Variants in SDHC observed in about 807,000 individuals in gnomAD.
SDHC encodes succinate dehydrogenase complex subunit C.
SDHC carries 11 observed loss-of-function variants against 22.6 expected under a neutral mutation model. The observed-to-expected ratio is 0.49, with a 90% CI of 0.31 to 0.81. SDHC has a LOEUF of 0.81. Among genes scored for constraint, SDHC ranks in the 30% least tolerant of loss-of-function variants. The pLI, the probability that SDHC is intolerant of heterozygous loss-of-function variation, is 0.05. For missense variants in SDHC, 160 were observed against 212.0 expected, an observed-to-expected ratio of 0.75 and a Z score of 1.52; for synonymous variants, 80 against 77.8, an observed-to-expected ratio of 1.03 and a Z score of -0.15.
intron 1 of SDHC, 121 bp from the exon 2 acceptor site, chr1:161,323,493 A>T: frequency 1.3e-6 from 1 of 753,402 alleles, no homozygotes; most frequent in Non-Finnish European, 2.3e-6. Flanking sequence ...AAGGACACTG[A>T]TACTGTCATT....
At chr1:161,344,519 T>A (rs1028387091) in intron 4 of SDHC, among the ~76,000 whole-genome samples, 1 of 152,300 alleles carries the variant, frequency 6.6e-6, no homozygotes, top group South Asian at 2.1e-4. Flanking sequence ...AATGGTGGCC[T>A]TGCATTCATC....
At chr1:161,361,842 CAAAA>C (rs35337467) in intron 5 of SDHC, among the ~76,000 whole-genome samples, 1 of 54,832 alleles carries the variant, frequency 1.8e-5, no homozygotes. Context: ...GAGTCCGTCT[CAAAA>C]AAAAAAAAAA....
chr1:161,323,918 G>A lies in SDHC; in HGVS notation c.77+248G>A, dbSNP rs55682614. Among the ~76,000 whole-genome samples, 17,808 of 151,926 alleles carry A rather than the reference G, an allele frequency of 0.12. 1,419 individuals carry two copies. Among genetic ancestry groups the A allele is most frequent in the African/African-American group, 0.22 (8,944 of 41,398 alleles). Reference sequence around the variant, plus strand: ...TCACCGTGTTAGCCAGGACGGTCTCGATCTCCTGACCTTGTGATCCGCCCG... The same window carrying A: ...TCACCGTGTTAGCCAGGACGGTCTCAATCTCCTGACCTTGTGATCCGCCCG... On this transcript the variant is annotated intron_variant, in intron 2 of 5. Coordinates refer to ENST00000367975, the MANE Select transcript of SDHC (RefSeq NM_003001.5).
intron 4 of SDHC, among the ~76,000 whole-genome samples, chr1:161,354,061 G>A (rs1672183740): frequency 6.6e-6 from 1 of 151,956 alleles, no homozygotes; most frequent in Non-Finnish European, 1.5e-5. Flanking sequence ...ATGTTGCCCA[G>A]GCTGGTCTTG....
At chr1:161,350,272 A>G (rs1012677144) in intron 4 of SDHC, among the ~76,000 whole-genome samples, 3 of 152,182 alleles carry the variant, frequency 2.0e-5, no homozygotes, top group Non-Finnish European at 4.4e-5. Context: ...GGCTGGTCTC[A>G]ACTCCTGAGC....
intron 1 of SDHC, 53 bp from the exon 2 acceptor site, chr1:161,323,561 T>C (rs533673816): frequency 1.8e-5 from 24 of 1,370,868 alleles, no homozygotes; most frequent in Admixed American, 8.4e-5. Context: ...GAAGTTGATA[T>C]ACTAAAGTTG....
chr1:161,332,212 C>T (rs537020940), intron 3 of SDHC, among the ~76,000 whole-genome samples: 3 of 152,158 alleles, frequency 2.0e-5, no homozygotes, highest in South Asian at 4.1e-4. Context: ...TGAGCTCAAG[C>T]GATCCTCTCA....
chr1:161,325,225 A>C (rs114469526), intron 2 of SDHC, among the ~76,000 whole-genome samples: 2,992 of 151,266 alleles, frequency 0.02, 77 homozygotes, highest in African/African-American at 0.065. Flanking sequence ...AAAAAAAAGA[A>C]GATTGGATGT....
chr1:161,328,558 A>C (rs1558167419), intron 3 of SDHC, 61 bp downstream of exon 3: 35 of 1,185,378 alleles, frequency 3.0e-5, no homozygotes, highest in Non-Finnish European at 4.3e-5. Context: ...CTGAAGGTTG[A>C]TCTTTAGCCT....
chr1:161,336,315 C>T (rs767663808), intron 3 of SDHC, among the ~76,000 whole-genome samples: 7 of 151,904 alleles, frequency 4.6e-5, no homozygotes, highest in Non-Finnish European at 8.8e-5. Context: ...ATTAGCTGGC[C>T]GTGGTGGCAC....
intron 2 of SDHC, among the ~76,000 whole-genome samples, chr1:161,324,253 G>T (rs1384541658): frequency 6.6e-6 from 1 of 152,114 alleles, no homozygotes; most frequent in Non-Finnish European, 1.5e-5. Context: ...ACAAGCATGT[G>T]GTGTGCCACC....
In SDHC at chr1:161,314,414, G is replaced by A. The variant is rs749265569; in HGVS notation, c.9G>A (p.Ala3=). The A allele has an allele frequency of 1.1e-5, 18 of 1,613,164 alleles. No homozygotes were observed. In the Admixed American group the frequency reaches 1.8e-4, roughly 16 times the overall value. ...CCAGACCGGAACCCAAGATGGCTGC[G>A]CTGTTGCTGAGGTGACTTCAGTGGG... The part of the protein sequence containing the change: MA[A]LLLRHVGRHC... Residue 3 remains alanine, a synonymous_variant, in exon 1 of 6, where the codon GCG becomes GCA. Transcript: ENST00000367975.
chr1:161,324,507 C>T (rs922641193), intron 2 of SDHC, among the ~76,000 whole-genome samples: 17 of 152,278 alleles, frequency 1.1e-4, no homozygotes, highest in Non-Finnish European at 1.6e-4. Context: ...AAAAGTTATA[C>T]GAATAGTAGG....
chr1:161,345,808 G>T (rs1671872374), intron 4 of SDHC, among the ~76,000 whole-genome samples: 1 of 149,158 alleles, frequency 6.7e-6, no homozygotes, highest in Non-Finnish European at 1.5e-5. Flanking sequence ...TTTTTGTTTT[G>T]TTTTTTGTTT....
chr1:161,343,888 A>C (rs16832847), intron 4 of SDHC, among the ~76,000 whole-genome samples: 10,396 of 152,234 alleles, frequency 0.068, 507 homozygotes, highest in Middle Eastern at 0.11. Context: ...ATTTGTATTC[A>C]TGGCTAAAAT....
At chr1:161,321,659 A>T (rs1670842493) in intron 1 of SDHC, among the ~76,000 whole-genome samples, 1 of 152,236 alleles carries the variant, frequency 6.6e-6, no homozygotes, top group Non-Finnish European at 1.5e-5. Context: ...AAGAGGGAAG[A>T]GCTGAAGAAG....
At chr1:161,314,586 T>TC (rs984950115) in intron 1 of SDHC, 161 bp downstream of exon 1, 44 of 799,666 alleles carry the variant, frequency 5.5e-5, no homozygotes, top group African/African-American at 1.4e-4. Flanking sequence ...CCTTTTCCCG[T>TC]CCCCCCCAGC....
In SDHC at chr1:161,356,501, T is replaced by C. The variant is rs188698798; in HGVS notation, c.242-176T>C. On this transcript the variant is annotated intron_variant, in intron 4 of 5. Coordinates refer to ENST00000367975, the MANE Select transcript of SDHC (RefSeq NM_003001.5). Reference sequence around the variant, plus strand: ...TTGCAGTGAGCCAAGATTGCACCACTATACTCCAGCCTGGGTGACAGAATG... The same window carrying C: ...TTGCAGTGAGCCAAGATTGCACCACCATACTCCAGCCTGGGTGACAGAATG... Among the ~76,000 whole-genome samples, 523 of 152,252 alleles carry C rather than the reference T, an allele frequency of 3.4e-3. 5 individuals carry two copies. Among genetic ancestry groups the C allele is most frequent in the African/African-American group, 0.012 (490 of 41,550 alleles).
At chr1:161,317,735 A>G (rs146538399) in intron 1 of SDHC, among the ~76,000 whole-genome samples, 3,112 of 150,344 alleles carry the variant, frequency 0.021, 103 homozygotes, top group African/African-American at 0.072. Context: ...CTAATTTTGT[A>G]TTTTTAGTAG....
Sources: gnomAD v4.1 joint callset for allele counts (sites outside exome capture counted in the v4.1 genomes callset) on GRCh38, gnomAD v4.1.1 for gene constraint, MANE v1.5 for transcripts, NCBI Gene and HGNC (gene_info 2026-07-23, HGNC 2026-07-21) for gene names.